Variants in ZNF721 observed in about 807,000 individuals in gnomAD.
The protein encoded by ZNF721 is zinc finger protein 721.
In ZNF721, 2 loss-of-function variants were observed where a neutral mutation model predicts 2.4. The observed-to-expected ratio is 0.82, with a 90% CI of 0.34 to 2.58. The LOEUF is 2.58. Ranked by LOEUF, ZNF721 falls within the 30% of genes most tolerant of loss-of-function variation. ZNF721 has a pLI of 0.11. For missense variants in ZNF721, 1,187 were observed against 1,085.5 expected, an observed-to-expected ratio of 1.09 and a Z score of -1.31; for synonymous variants, 398 against 381.8, an observed-to-expected ratio of 1.04 and a Z score of -0.50.
At chr4:471,389 A>G (rs1358013472) in intron 2 of ZNF721, among the ~76,000 whole-genome samples, 3 of 152,176 alleles carry the variant, frequency 2.0e-5, no homozygotes, top group African/African-American at 7.2e-5. Context: ...AGAAAAGAAA[A>G]TCTAGTCTTT....
At chr4:449,345 A>G (rs565911639) in intron 2 of ZNF721, among the ~76,000 whole-genome samples, 13 of 152,286 alleles carry the variant, frequency 8.5e-5, no homozygotes, top group African/African-American at 3.1e-4. Context: ...GTTATTGGAA[A>G]AAGACAATAT....
intron 2 of ZNF721, among the ~76,000 whole-genome samples, chr4:463,900 G>C (rs1287455895): frequency 2.0e-5 from 3 of 151,818 alleles, no homozygotes; most frequent in African/African-American, 7.3e-5. Context: ...AGAACTTAGA[G>C]CATAATAATA....
intron 1 of ZNF721, among the ~76,000 whole-genome samples, chr4:496,495 G>A (rs1716155839): frequency 6.6e-6 from 1 of 152,086 alleles, no homozygotes; most frequent in Non-Finnish European, 1.5e-5. Context: ...GTGATTCTCA[G>A]TTGTCTGAGA....
At chr4:451,084 A>T (rs569005047) in intron 2 of ZNF721, among the ~76,000 whole-genome samples, 1 of 150,502 alleles carries the variant, frequency 6.6e-6, no homozygotes, top group Non-Finnish European at 1.5e-5. Context: ...TGGAAACACA[A>T]ATGTCCCTTT....
chr4:446,921 C>T lies in ZNF721; in HGVS notation c.35-2489G>A, dbSNP rs894735173. ...GACCAGGATGGTCTCGATCTCTTTA[C>T]GTAATCCGCCTGCCTCAGCCTCCCA... On this transcript the variant is annotated intron_variant, in intron 2 of 2. Coordinates refer to ENST00000511833, the MANE Select transcript of ZNF721 (RefSeq NM_133474.4). Among the ~76,000 whole-genome samples the T allele has an allele frequency of 3.3e-5, 5 of 152,002 alleles. No individual in the cohort carries two copies. The South Asian group carries it at 6.2e-4, about 19-fold the overall frequency.
chr4:487,583 A>ACAGGATTC (rs1233089441), intron 1 of ZNF721, among the ~76,000 whole-genome samples: 1 of 152,216 alleles, frequency 6.6e-6, no homozygotes, highest in East Asian at 1.9e-4. Flanking sequence ...CCCATTAAAG[A>ACAGGATTC]CAGGATTCCA....
intron 2 of ZNF721, among the ~76,000 whole-genome samples, chr4:445,805 T>C (rs1281045878): frequency 6.6e-6 from 1 of 152,134 alleles, no homozygotes; most frequent in African/African-American, 2.4e-5. Context: ...AAGGCACATA[T>C]ATATACATGA....
chr4:488,138 C>T (rs1715940896), intron 1 of ZNF721, among the ~76,000 whole-genome samples: 1 of 152,186 alleles, frequency 6.6e-6, no homozygotes, highest in Non-Finnish European at 1.5e-5. Flanking sequence ...TTGCTGGGGC[C>T]CACACCCACC....
In ZNF721 at chr4:498,726, CT is replaced by C. The variant is rs1180549953; in HGVS notation, c.-94+329del. On this transcript the variant is annotated intron_variant, in intron 1 of 2. Transcript: ENST00000511833. Reference sequence around the variant, plus strand: ...TGTCTGAGGTATTGGGTTGAATTTTCTTTTTTTTTTTTTTTTTGAGACGCAG... The same window carrying C: ...TGTCTGAGGTATTGGGTTGAATTTTCTTTTTTTTTTTTTTTTGAGACGCAG... 1.4e-3 allele frequency among the ~76,000 whole-genome samples: 180 copies of C among 132,524 alleles called. 1 individual carries two copies. The highest frequency in any genetic ancestry group is 4.8e-3 in the Admixed American group (63 of 13,120). The allele number at this position is 132,524 out of a possible 152,430, so 86.9% of individuals were successfully genotyped here.
At chr4:494,310 T>C (rs1327128845) in intron 1 of ZNF721, among the ~76,000 whole-genome samples, 2 of 151,554 alleles carry the variant, frequency 1.3e-5, no homozygotes, top group Non-Finnish European at 2.9e-5. Flanking sequence ...ACCTCCCGAG[T>C]AGCTGGGACT....
Position 472,727 on chromosome 4 carries a change from C to T in ZNF721, c.-93-26G>A, listed in dbSNP as rs1553867956. 2.5e-6 allele frequency: 4 copies of T among 1,608,748 alleles called. No homozygotes were observed. In the Admixed American group the frequency reaches 6.9e-5, roughly 28 times the overall value. Reference sequence around the variant, plus strand: ...CTGAAAATACATATGTATCAAGTGACAGAGTTCTTAATTTGACTACAGGTG... The same window carrying T: ...CTGAAAATACATATGTATCAAGTGATAGAGTTCTTAATTTGACTACAGGTG... On this transcript the variant is annotated intron_variant, in intron 1 of 2. Coordinates refer to ENST00000511833, the MANE Select transcript of ZNF721 (RefSeq NM_133474.4).
chr4:488,466 TGAG>T (rs1299622605), intron 1 of ZNF721, among the ~76,000 whole-genome samples: 3 of 152,188 alleles, frequency 2.0e-5, no homozygotes, highest in Non-Finnish European at 2.9e-5. Flanking sequence ...GGCAAGGCTG[TGAG>T]GAGATCTGAA....
intron 2 of ZNF721, among the ~76,000 whole-genome samples, chr4:448,629 A>G (rs1714555395): frequency 6.6e-6 from 1 of 152,198 alleles, no homozygotes; most frequent in Admixed American, 6.6e-5. Flanking sequence ...GAAACAGTGA[A>G]GTACCCAACA....
At chr4:484,243 C>G (rs1316408678) in intron 1 of ZNF721, among the ~76,000 whole-genome samples, 1 of 152,172 alleles carries the variant, frequency 6.6e-6, no homozygotes, top group African/African-American at 2.4e-5. Context: ...CTATGCCTGT[C>G]TTTACTTTAA....
intron 1 of ZNF721, among the ~76,000 whole-genome samples, chr4:475,592 C>CT (rs1553868485): frequency 6.6e-6 from 1 of 150,448 alleles, no homozygotes; most frequent in Non-Finnish European, 1.5e-5. Flanking sequence ...TGTCAACAAC[C>CT]TTTTTTTAGC....
At position 444,225 on chromosome 4, in the gene ZNF721, A is replaced by C; in HGVS notation, c.242T>G (p.Phe81Cys). The change falls in exon 3 of 3, where the codon TTT becomes TGT. Residue 81 changes from phenylalanine (F) to cysteine (C), a missense_variant. Phe to Cys is a radical substitution (Grantham distance 205). Coordinates refer to ENST00000511833, the MANE Select transcript of ZNF721 (RefSeq NM_133474.4). Reference protein sequence around the residue: ...KCLSNTQSKIFQCNARVKVFS... With the variant: ...KCLSNTQSKICQCNARVKVFS... ...AACTTTGACACGTGCATTACATTGA[A>C]ATATTTTGCTCTGAGTATTTGACAA... is the stretch of plus-strand genomic sequence containing the variant. The C allele has an allele frequency of 6.2e-7, 1 of 1,613,618 alleles. No homozygotes were observed. The highest frequency in any genetic ancestry group is 1.1e-5 in the South Asian group (1 of 91,036).
chr4:472,605 A>G lies in ZNF721; in HGVS notation c.4T>C (p.Leu2=), dbSNP rs368780921. Residue 2 remains leucine (L), a synonymous_variant, in exon 2 of 3, where the codon TTG becomes CTG. Coordinates refer to ENST00000511833, the MANE Select transcript of ZNF721 (RefSeq NM_133474.4). M[L]ENYRNLVSLA... ...GAGACCAGGTTTCTGTAGTTCTCCA[A>G]CATCACATCTCTATACAAATTCTGC... 104 of 1,613,826 alleles carry G rather than the reference A, an allele frequency of 6.4e-5. No individual in the cohort carries two copies. The African/African-American group carries it at 1.1e-3, about 18-fold the overall frequency.
chr4:456,705 C>G (rs1196888047), intron 2 of ZNF721, among the ~76,000 whole-genome samples: 4 of 152,098 alleles, frequency 2.6e-5, no homozygotes, highest in East Asian at 1.9e-4. Context: ...ATGGTGAAAC[C>G]CTGTCTCTAC....
At chr4:487,918 T>C (rs1553870827) in intron 1 of ZNF721, among the ~76,000 whole-genome samples, 2 of 152,208 alleles carry the variant, frequency 1.3e-5, no homozygotes, top group African/African-American at 4.8e-5. Context: ...ACCCTCCCCC[T>C]TGTACCAGTT....
Sources: gnomAD v4.1 joint callset for allele counts (sites outside exome capture counted in the v4.1 genomes callset) on GRCh38, gnomAD v4.1.1 for gene constraint, MANE v1.5 for transcripts, NCBI Gene and HGNC (gene_info 2026-07-23, HGNC 2026-07-21) for gene names.